Variants in BCAR3 observed in about 807,000 individuals in gnomAD.
The protein encoded by BCAR3 is breast cancer anti-estrogen resistance protein 3.
BCAR3 carries 37 observed loss-of-function variants against 80.1 expected under a neutral mutation model. The observed-to-expected ratio is 0.46, with a 90% CI of 0.36 to 0.61. The LOEUF is 0.61. Ranked by LOEUF, BCAR3 falls within the 20% of genes least tolerant of loss-of-function variation. The probability of loss-of-function intolerance (pLI) is 0.00; values close to 1 mark genes in which losing one functional copy is unlikely to be tolerated. For synonymous variants in BCAR3, 389 were observed against 418.9 expected (o/e 0.93, Z 0.87); for missense variants, 978 against 1,068.2 (o/e 0.92, Z 1.18).
chr1:93,663,042 G>T (rs938385307), intron 2 of BCAR3, among the ~76,000 whole-genome samples: 1 of 152,042 alleles, frequency 6.6e-6, no homozygotes, highest in Non-Finnish European at 1.5e-5. Context: ...CACCTTATCG[G>T]GTGGCATTAG....
intron 3 of BCAR3, among the ~76,000 whole-genome samples, chr1:93,611,708 C>A (rs990774393): frequency 6.6e-6 from 1 of 152,130 alleles, no homozygotes; most frequent in Non-Finnish European, 1.5e-5. Context: ...TCTGTAAGAC[C>A]GCTGCAAATA....
At chr1:93,634,642 T>C (rs236280) in intron 3 of BCAR3, among the ~76,000 whole-genome samples, 140,871 of 151,712 alleles carry the variant, frequency 0.93, 65,575 homozygotes, top group East Asian at 0.99. Flanking sequence ...TTGCAATGAG[T>C]CAAGATCATG....
chr1:93,653,290 G>C (rs529065329), intron 2 of BCAR3, among the ~76,000 whole-genome samples: 1 of 152,314 alleles, frequency 6.6e-6, no homozygotes, highest in Non-Finnish European at 1.5e-5. Flanking sequence ...ATGCAATGGA[G>C]GAATGTGAAA....
intron 2 of BCAR3, among the ~76,000 whole-genome samples, chr1:93,656,727 C>CT (rs1264060741): frequency 6.6e-6 from 1 of 151,996 alleles, no homozygotes; most frequent in Non-Finnish European, 1.5e-5. Context: ...CTGCAGCCTC[C>CT]TGAATAGCTA....
chr1:93,583,895 TCCAGGC>T, intron 6 of BCAR3, 117 bp downstream of exon 6: 1 of 917,672 alleles, frequency 1.1e-6, no homozygotes, highest in East Asian at 2.5e-5. Context: ...CCCATTCCCC[TCCAGGC>T]TGCAGGCCTG....
intron 3 of BCAR3, among the ~76,000 whole-genome samples, chr1:93,641,271 A>C (rs1675968960): frequency 1.3e-5 from 2 of 152,192 alleles, no homozygotes; most frequent in South Asian, 4.1e-4. Flanking sequence ...CTGGTCTTTT[A>C]AAGAGGGAGG....
chr1:93,568,620 A>C (rs1673070385), intron 9 of BCAR3, among the ~76,000 whole-genome samples: 1 of 152,210 alleles, frequency 6.6e-6, no homozygotes, highest in Non-Finnish European at 1.5e-5. Flanking sequence ...TAAAACTGGA[A>C]TTGACCTCCC....
At chr1:93,660,526 G>T (rs151252572) in intron 2 of BCAR3, among the ~76,000 whole-genome samples, 2 of 152,300 alleles carry the variant, frequency 1.3e-5, no homozygotes, top group South Asian at 2.1e-4. Flanking sequence ...AATGGGACAC[G>T]CCTGGTGAGT....
At chr1:93,769,463 T>C (rs1393901859) in intron 2 of BCAR3, among the ~76,000 whole-genome samples, 3 of 147,490 alleles carry the variant, frequency 2.0e-5, no homozygotes, top group African/African-American at 7.6e-5. Flanking sequence ...GTGATGGAAA[T>C]AGTTAAAGAG....
intron 3 of BCAR3, among the ~76,000 whole-genome samples, chr1:93,603,308 G>A (rs1182812281): frequency 6.6e-6 from 1 of 152,264 alleles, no homozygotes; most frequent in African/African-American, 2.4e-5. Flanking sequence ...CCATAGCTAA[G>A]GAGGTGCCAC....
chr1:93,597,033 G>C (rs1331102121), intron 3 of BCAR3, among the ~76,000 whole-genome samples: 1 of 152,172 alleles, frequency 6.6e-6, no homozygotes, highest in Non-Finnish European at 1.5e-5. Context: ...CAAACATGCA[G>C]GCAGGGCTCA....
At chr1:93,817,697 G>A (rs945722089) in intron 2 of BCAR3, among the ~76,000 whole-genome samples, 4 of 152,146 alleles carry the variant, frequency 2.6e-5, no homozygotes, top group Admixed American at 6.5e-5. Context: ...AAGTCTCTGA[G>A]TTGCTTCCCA....
intron 2 of BCAR3, chr1:93,752,977 AT>A (rs1488468149): frequency 6.6e-6 from 1 of 152,216 alleles, no homozygotes; most frequent in Non-Finnish European, 1.5e-5. Context: ...TCTATTTGAT[AT>A]CTCACAGATG....
intron 2 of BCAR3, among the ~76,000 whole-genome samples, chr1:93,763,026 T>C (rs1415778029): frequency 6.6e-6 from 1 of 152,212 alleles, no homozygotes; most frequent in African/African-American, 2.4e-5. Context: ...AATACAATCA[T>C]GTCATGATCT....
At chr1:93,757,521 T>C (rs1428152912) in intron 2 of BCAR3, among the ~76,000 whole-genome samples, 1 of 152,228 alleles carries the variant, frequency 6.6e-6, no homozygotes, top group Non-Finnish European at 1.5e-5. Context: ...GGGTTAACTG[T>C]TGTATAAATA....
intron 2 of BCAR3, among the ~76,000 whole-genome samples, chr1:93,655,857 C>G (rs2101924930): frequency 6.6e-6 from 1 of 152,232 alleles, no homozygotes; most frequent in African/African-American, 2.4e-5. Context: ...CCCTTCAGAC[C>G]AACAAAAATA....
At chr1:93,563,703 AT>A (rs1014886016) in intron 11 of BCAR3, among the ~76,000 whole-genome samples, 4 of 151,780 alleles carry the variant, frequency 2.6e-5, no homozygotes, top group Non-Finnish European at 4.4e-5. Context: ...TTTTATTTTT[AT>A]TTTTTTGAGA....
intron 2 of BCAR3, chr1:93,845,502 A>ATCTATCTCATGTTGTCAAG: frequency 8.8e-6 from 1 of 113,822 alleles, no homozygotes; most frequent in Non-Finnish European, 1.8e-5. Flanking sequence ...ATATATATAT[A>ATCTATCTCATGTTGTCAAG]AAACTTTGTT....
At position 93,578,924 on chromosome 1, in the gene BCAR3, C is replaced by G. The variant is rs78587350; in HGVS notation, c.1687-2795G>C. 2.2e-3 allele frequency among the ~76,000 whole-genome samples: 337 copies of G among 152,286 alleles called. 1 individual carries two copies. Among genetic ancestry groups the G allele is most frequent in the African/African-American group, 7.7e-3 (318 of 41,554 alleles). On this transcript the variant is annotated intron_variant, in intron 7 of 11. Coordinates refer to ENST00000260502, the MANE Select transcript of BCAR3 (RefSeq NM_003567.4). ...CGCTGACCACCTGGGTAGCTGTATTCCTTACAGACAGGCACAGAAGGGGAG... is the reference window on the plus strand; with the variant it reads ...CGCTGACCACCTGGGTAGCTGTATTGCTTACAGACAGGCACAGAAGGGGAG...
Sources: allele counts gnomAD v4.1 joint callset (sites outside exome capture counted in the v4.1 genomes callset), GRCh38; gene constraint gnomAD v4.1.1; transcripts MANE v1.5; gene names NCBI Gene and HGNC (gene_info 2026-07-23, HGNC 2026-07-21).